The following TENM2 variants were observed in gnomAD, a reference collection of about 807,000 sequenced individuals.
TENM2 encodes the protein teneurin-2.
A neutral mutation model predicts 245.2 loss-of-function variants in TENM2; 52 were observed. That is an observed-to-expected ratio of 0.21 (90% CI 0.17 to 0.27). The LOEUF (loss-of-function observed/expected upper bound fraction) is 0.27, where lower values mean the gene tolerates loss of function less well. Ranked by LOEUF, TENM2 falls within the 10% of genes least tolerant of loss-of-function variation. The probability of loss-of-function intolerance (pLI) is 1.00; values close to 1 mark genes in which losing one functional copy is unlikely to be tolerated. For missense variants in TENM2, 3,046 were observed against 3,666.8 expected, an observed-to-expected ratio of 0.83 and a Z score of 4.37; for synonymous variants, 1,363 against 1,438.9, an observed-to-expected ratio of 0.95 and a Z score of 1.19.
chr5:167,261,902 C>T, the TENM2 span, among the ~76,000 whole-genome samples: 256 of 152,216 alleles, frequency 1.7e-3, 1 homozygote, highest in Middle Eastern at 6.8e-3. Flanking sequence ...TAGTGTCCTC[C>T]AGGGGGAGAC....
At chr5:166,997,492 G>C in the TENM2 span, among the ~76,000 whole-genome samples, 1 of 152,112 alleles carries the variant, frequency 6.6e-6, no homozygotes, top group South Asian at 2.1e-4. Context: ...TTATGGTATA[G>C]GGCCCTCCCT....
intron 25 of TENM2, among the ~76,000 whole-genome samples, chr5:168,232,882 G>GTGTT (rs1026787096): frequency 5.3e-5 from 8 of 152,216 alleles, no homozygotes; most frequent in African/African-American, 1.4e-4. Context: ...TTGTAATGGA[G>GTGTT]TGTTAGTCCC....
chr5:168,183,996 C>T (rs1760168048), intron 13 of TENM2, among the ~76,000 whole-genome samples: 1 of 152,114 alleles, frequency 6.6e-6, no homozygotes, highest in Non-Finnish European at 1.5e-5. Flanking sequence ...GTCAATTCAC[C>T]TGGGGAACCA....
intron 2 of TENM2, among the ~76,000 whole-genome samples, chr5:167,714,933 A>G (rs74653553): frequency 0.014 from 2,120 of 152,296 alleles, 43 homozygotes; most frequent in African/African-American, 0.049. Context: ...ACTGATGTAG[A>G]TAATTAATTG....
At chr5:167,686,205 C>G (rs187389947) in intron 2 of TENM2, among the ~76,000 whole-genome samples, 1 of 152,292 alleles carries the variant, frequency 6.6e-6, no homozygotes, top group East Asian at 1.9e-4. Context: ...GAAGGATAGG[C>G]TATTTCCTTC....
At chr5:167,406,699 G>A (rs780357899) in intron 2 of TENM2, among the ~76,000 whole-genome samples, 5 of 152,096 alleles carry the variant, frequency 3.3e-5, no homozygotes, top group African/African-American at 4.8e-5. Flanking sequence ...GATTGTATAA[G>A]TACTGAAGCA....
At chr5:167,168,533 A>T in the TENM2 span, 1 of 152,166 alleles carries the variant, frequency 6.6e-6, no homozygotes, top group African/African-American at 2.4e-5. Flanking sequence ...ATAATCACTT[A>T]CTTGTGCTTC....
chr5:167,839,439 G>A (rs1769283007), intron 2 of TENM2, among the ~76,000 whole-genome samples: 1 of 152,112 alleles, frequency 6.6e-6, no homozygotes, highest in African/African-American at 2.4e-5. Flanking sequence ...TGTTAGCATC[G>A]AAAACCAAGG....
At chr5:166,992,540 G>C in the TENM2 span, among the ~76,000 whole-genome samples, 1 of 152,252 alleles carries the variant, frequency 6.6e-6, no homozygotes, top group African/African-American at 2.4e-5. Flanking sequence ...GTATTTCATA[G>C]TTTCAAAGTG....
At chr5:167,789,569 C>A (rs1424290) in intron 2 of TENM2, among the ~76,000 whole-genome samples, 47,700 of 152,068 alleles carry the variant, frequency 0.31, 10,246 homozygotes, top group African/African-American at 0.61. Context: ...ATGTCCTGTG[C>A]TTAATGATTA....
the TENM2 span, among the ~76,000 whole-genome samples, chr5:167,219,337 C>G: frequency 7.0e-6 from 1 of 142,632 alleles, no homozygotes; most frequent in African/African-American, 2.8e-5. Flanking sequence ...ACAAGCAAAA[C>G]AAAACCAACC....
At chr5:167,381,789 G>A (rs1761110903) in intron 2 of TENM2, among the ~76,000 whole-genome samples, 1 of 152,070 alleles carries the variant, frequency 6.6e-6, no homozygotes, top group South Asian at 2.1e-4. Context: ...CTAGAACTCA[G>A]CAATTTTATG....
chr5:166,994,784 A>T, the TENM2 span, among the ~76,000 whole-genome samples: 2 of 152,098 alleles, frequency 1.3e-5, no homozygotes, highest in African/African-American at 4.8e-5. Flanking sequence ...ATCTTGAGCC[A>T]CCCTGCTTGT....
chr5:168,117,951 C>T (rs868520158), intron 9 of TENM2, among the ~76,000 whole-genome samples: 4 of 152,170 alleles, frequency 2.6e-5, no homozygotes, highest in South Asian at 2.1e-4. Context: ...TGACTGGACA[C>T]GTCACTTCCC....
At chr5:167,442,533 C>A (rs1764931480) in intron 2 of TENM2, among the ~76,000 whole-genome samples, 1 of 151,892 alleles carries the variant, frequency 6.6e-6, no homozygotes, top group African/African-American at 2.4e-5. Flanking sequence ...ATCTTACCAA[C>A]ACTTGATATT....
chr5:167,468,575 TA>T (rs1273729498), intron 2 of TENM2, among the ~76,000 whole-genome samples: 1 of 152,192 alleles, frequency 6.6e-6, no homozygotes, highest in Admixed American at 6.5e-5. Context: ...CCATAAGTCT[TA>T]GAAAGGGGAA....
chr5:167,344,331 G>GATATAGATAT (rs759042627), intron 1 of TENM2, among the ~76,000 whole-genome samples: 2 of 102,580 alleles, frequency 1.9e-5, no homozygotes, highest in African/African-American at 6.6e-5. Flanking sequence ...TATATATATA[G>GATATAGATAT]ATATATTGCA....
chr5:167,071,878 G>GCCCCCCCCCCCCCCCCCCCCCC, the TENM2 span, among the ~76,000 whole-genome samples: 4 of 124,024 alleles, frequency 3.2e-5, no homozygotes, highest in Admixed American at 9.2e-5. Context: ...TTGACAAATC[G>GCCCCCCCCCCCCCCCCCCCCCC]CCCCCCCCCG....
chr5:168,242,762 GGCCAACATGGTGAA>G (rs1766213185), intron 25 of TENM2, among the ~76,000 whole-genome samples: 1 of 152,124 alleles, frequency 6.6e-6, no homozygotes, highest in Non-Finnish European at 1.5e-5. Context: ...AGACCAGCCT[GGCCAACATGGTGAA>G]ACCTCGTCTC....
Sources: gnomAD v4.1 joint callset for allele counts (sites outside exome capture counted in the v4.1 genomes callset) on GRCh38, gnomAD v4.1.1 for gene constraint, MANE v1.5 for transcripts, NCBI Gene and HGNC (gene_info 2026-07-23, HGNC 2026-07-21) for gene names.